The following R3HDM1 variants were observed in gnomAD, a reference collection of about 807,000 sequenced individuals.
R3HDM1 encodes R3H domain containing 1.
Under a neutral mutation model 141.1 loss-of-function variants are expected in R3HDM1, and 46 were observed. The observed-to-expected ratio is 0.33, with a 90% CI of 0.26 to 0.42. The LOEUF (loss-of-function observed/expected upper bound fraction) is 0.42. Among genes scored for constraint, R3HDM1 ranks in the 10% least tolerant of loss-of-function variants. R3HDM1 has a pLI of 1.00. For missense variants in R3HDM1, 1,184 were observed against 1,368.3 expected, an observed-to-expected ratio of 0.87 and a Z score of 2.12; for synonymous variants, 435 against 472.9, an observed-to-expected ratio of 0.92 and a Z score of 1.04.
At chr2:135,699,748 T>G (rs531846583) in intron 21 of R3HDM1, among the ~76,000 whole-genome samples, 2 of 152,322 alleles carry the variant, frequency 1.3e-5, no homozygotes, top group Non-Finnish European at 2.9e-5. Flanking sequence ...TAAAAGCTTA[T>G]TATATAGAAC....
chr2:135,638,068 G>A (rs186063334), intron 11 of R3HDM1, among the ~76,000 whole-genome samples: 11 of 152,290 alleles, frequency 7.2e-5, no homozygotes, highest in Admixed American at 6.5e-4. Context: ...AGTGGGAAGA[G>A]TTATGATCAA....
At chr2:135,578,124 T>TA in intron 1 of R3HDM1, among the ~76,000 whole-genome samples, 1 of 152,276 alleles carries the variant, frequency 6.6e-6, no homozygotes, top group South Asian at 2.1e-4. Flanking sequence ...GTAGCCTAAA[T>TA]ACCCATGCAG....
chr2:135,670,140 A>G (rs1314932090), intron 19 of R3HDM1: 33 of 170,406 alleles, frequency 1.9e-4, no homozygotes, highest in Non-Finnish European at 1.9e-4. Context: ...CTCAGTCTCA[A>G]AAAAAAAAAA....
intron 5 of R3HDM1, 84 bp from the exon 6 acceptor site, chr2:135,621,410 T>C (rs1302797024): frequency 2.4e-6 from 2 of 820,192 alleles, no homozygotes; most frequent in African/African-American, 1.7e-5. Context: ...TGTACAATTC[T>C]GTGTTACTCA....
intron 21 of R3HDM1, among the ~76,000 whole-genome samples, chr2:135,701,422 A>G (rs2074188276): frequency 1.3e-5 from 2 of 152,100 alleles, no homozygotes; most frequent in Non-Finnish European, 1.5e-5. Flanking sequence ...TAAAGTAAAT[A>G]TATACACATG....
intron 14 of R3HDM1, among the ~76,000 whole-genome samples, chr2:135,640,020 A>G (rs1476077100): frequency 6.6e-6 from 1 of 150,586 alleles, no homozygotes; most frequent in African/African-American, 2.4e-5. Context: ...AATCGCTTGA[A>G]CCCAGGAGGC....
intron 1 of R3HDM1, chr2:135,584,207 A>G: frequency 1.9e-6 from 1 of 520,058 alleles, no homozygotes; most frequent in Middle Eastern, 9.7e-4. Context: ...AGTTTCCTGT[A>G]ATCCCAGCTA....
At chr2:135,594,836 G>A (rs1302687774) in intron 1 of R3HDM1, among the ~76,000 whole-genome samples, 1 of 151,816 alleles carries the variant, frequency 6.6e-6, no homozygotes, top group African/African-American at 2.4e-5. Flanking sequence ...GGCTTCTGTG[G>A]CCTACACACT....
intron 19 of R3HDM1, 55 bp downstream of exon 19, chr2:135,661,448 A>G (rs1017175186): frequency 7.0e-6 from 11 of 1,579,570 alleles, no homozygotes; most frequent in African/African-American, 2.7e-5. Flanking sequence ...TCCATCTTCT[A>G]TTTCAGTGTT....
chr2:135,614,695 A>G (rs897063336), intron 3 of R3HDM1, among the ~76,000 whole-genome samples: 4 of 152,192 alleles, frequency 2.6e-5, no homozygotes, highest in Non-Finnish European at 4.4e-5. Flanking sequence ...TGATACTTAA[A>G]ATTACAAGAG....
chr2:135,567,140 T>C (rs1003349608), intron 1 of R3HDM1, among the ~76,000 whole-genome samples: 4 of 152,158 alleles, frequency 2.6e-5, no homozygotes, highest in Non-Finnish European at 4.4e-5. Context: ...GGGATACAGA[T>C]GAGTGTATGA....
intron 21 of R3HDM1, among the ~76,000 whole-genome samples, chr2:135,690,712 G>GT (rs1234832274): frequency 1.9e-5 from 2 of 105,138 alleles, no homozygotes; most frequent in Non-Finnish European, 3.2e-5. Context: ...TATAAAAGAG[G>GT]TTTTTTTTGT....
chr2:135,588,827 C>T (rs1708550110), intron 1 of R3HDM1, among the ~76,000 whole-genome samples: 1 of 152,192 alleles, frequency 6.6e-6, no homozygotes, highest in South Asian at 2.1e-4. Context: ...TATGGGTAAA[C>T]TTGTATTTAA....
chr2:135,558,910 A>G, intron 1 of R3HDM1: 1 of 678,042 alleles, frequency 1.5e-6, no homozygotes, highest in Non-Finnish European at 1.8e-6. Flanking sequence ...AGGATTCCTT[A>G]AGGGTTTTCT....
At chr2:135,659,431 G>A (rs2066400654) in intron 18 of R3HDM1, among the ~76,000 whole-genome samples, 1 of 151,602 alleles carries the variant, frequency 6.6e-6, no homozygotes, top group African/African-American at 2.4e-5. Flanking sequence ...ATAAGTAGCA[G>A]GACTACATTC....
chr2:135,658,867 T>C (rs2066266516), intron 18 of R3HDM1, among the ~76,000 whole-genome samples: 1 of 152,154 alleles, frequency 6.6e-6, no homozygotes, highest in Non-Finnish European at 1.5e-5. Context: ...ACATGCATAT[T>C]AGCCTAGGCC....
chr2:135,578,680 T>G (rs988895054), intron 1 of R3HDM1, among the ~76,000 whole-genome samples: 1 of 152,218 alleles, frequency 6.6e-6, no homozygotes, highest in African/African-American at 2.4e-5. Context: ...AGTATTTTGA[T>G]TAGGCATTCT....
At position 135,566,780 on chromosome 2, in the gene R3HDM1, G is replaced by T. The variant is rs1052017680; in HGVS notation, c.-250+35147G>T. 3.0e-6 allele frequency: 3 copies of T among 984,832 alleles called. No homozygotes were observed. The African/African-American group carries it at 5.2e-5, about 17-fold the overall frequency. 61.0% of individuals were successfully genotyped at this position (984,832 alleles called of 1,614,324 possible). A position where few individuals can be genotyped will look rare whatever the true frequency, so the allele number is the denominator to read the frequency against. On this transcript the variant is annotated intron_variant, in intron 1 of 26. Transcript: ENST00000683871. ...CTGTAAGCCCAGCGCGGTGGCTCAC[G>T]CCTGTAATCATGGTGAAACCCCGTC...
chr2:135,625,446 AAAAT>A (rs2061919074), intron 7 of R3HDM1, among the ~76,000 whole-genome samples: 1 of 152,200 alleles, frequency 6.6e-6, no homozygotes, highest in African/African-American at 2.4e-5. Context: ...ACTCCATCTC[AAAAT>A]AAATGAATGA....
Sources: gnomAD v4.1 joint callset for allele counts (sites outside exome capture counted in the v4.1 genomes callset) on GRCh38, gnomAD v4.1.1 for gene constraint, MANE v1.5 for transcripts, NCBI Gene and HGNC (gene_info 2026-07-23, HGNC 2026-07-21) for gene names.